Variants in EML5 observed in about 807,000 individuals in gnomAD.
EML5 encodes EMAP like 5, also known as echinoderm microtubule-associated protein-like 5.
In EML5, 120 loss-of-function variants were observed where a neutral mutation model predicts 250.0. That is an observed-to-expected ratio of 0.48 (90% confidence interval 0.41 to 0.56). EML5 has a LOEUF of 0.56. Among genes scored for constraint, EML5 ranks in the 20% least tolerant of loss-of-function variants. The pLI is 0.00. For missense variants in EML5, 2,006 were observed against 2,437.6 expected, an observed-to-expected ratio of 0.82 and a Z score of 3.73; for synonymous variants, 771 against 806.5, an observed-to-expected ratio of 0.96 and a Z score of 0.75.
At chr14:88,616,402 G>A in intron 42 of EML5, 160 bp from the exon 43 acceptor site, 1 of 696,614 alleles carries the variant, frequency 1.4e-6, no homozygotes, top group Non-Finnish European at 2.4e-6. Flanking sequence ...TAGTGGATCT[G>A]CAAAACCAGG....
chr14:88,778,092 G>GT (rs1321433870), intron 1 of EML5, among the ~76,000 whole-genome samples: 1 of 152,144 alleles, frequency 6.6e-6, no homozygotes, highest in Non-Finnish European at 1.5e-5. Context: ...ATGGATGATA[G>GT]TATTTGCAAG....
intron 33 of EML5, among the ~76,000 whole-genome samples, chr14:88,631,632 T>C (rs1485585702): frequency 6.6e-6 from 1 of 152,138 alleles, no homozygotes. Context: ...TAGCTGGGCG[T>C]GGTGGCAGTC....
rs778281977 is a variant in EML5 at position 88,615,659 on chromosome 14, T to C, written c.*159A>G. ...TTATACCCAGTGCATATAGCAAATA[T>C]TTTGAACAGATCAGTCTTTCACTAT... On this transcript the variant is annotated 3_prime_UTR_variant, in exon 44 of 44. Transcript: ENST00000554922. 2 of 652,622 alleles carry C rather than the reference T, an allele frequency of 3.1e-6. No homozygotes were observed. Among genetic ancestry groups the C allele is most frequent in the Non-Finnish European group, 2.6e-6 (1 of 384,606 alleles). 40.4% of individuals were successfully genotyped at this position (652,622 alleles called of 1,614,324 possible). A position where few individuals can be genotyped will look rare whatever the true frequency, so the allele number is the denominator to read the frequency against.
chr14:88,777,475 A>C (rs934090207), intron 1 of EML5, among the ~76,000 whole-genome samples: 11 of 152,206 alleles, frequency 7.2e-5, no homozygotes, highest in Admixed American at 7.2e-4. Flanking sequence ...ATGAGCAATA[A>C]GTAATCCCAA....
chr14:88,710,010 G>C (rs2093378007), intron 10 of EML5, among the ~76,000 whole-genome samples: 2 of 152,078 alleles, frequency 1.3e-5, no homozygotes, highest in Admixed American at 1.3e-4. Context: ...AGGGGGTCTT[G>C]GCCATTATTA....
rs183333429 is a variant in EML5 at position 88,742,333 on chromosome 14, A to G, written c.525+1690T>C. Among the ~76,000 whole-genome samples the G allele has an allele frequency of 3.9e-5, 6 of 152,228 alleles. No individual in the cohort carries two copies. The East Asian group carries it at 1.2e-3, about 29-fold the overall frequency. On this transcript the variant is annotated intron_variant, in intron 4 of 43. Coordinates refer to ENST00000554922, the MANE Select transcript of EML5 (RefSeq NM_183387.3). Reference sequence around the variant, plus strand: ...ATGAAATGTACTGCTAGTGTGACTGAGGAAATGAATTTTAAGTTTCATTTA... The same window carrying G: ...ATGAAATGTACTGCTAGTGTGACTGGGGAAATGAATTTTAAGTTTCATTTA...
chr14:88,687,802 G>A (rs1043329255), intron 18 of EML5, among the ~76,000 whole-genome samples: 7 of 151,970 alleles, frequency 4.6e-5, no homozygotes, highest in African/African-American at 1.4e-4. Flanking sequence ...GACCTGGCTG[G>A]CACCATGGCT....
At chr14:88,688,239 T>C (rs752833137) in intron 18 of EML5, 32 bp downstream of exon 18, 1 of 1,611,292 alleles carries the variant, frequency 6.2e-7, no homozygotes, top group Non-Finnish European at 8.5e-7. Flanking sequence ...GGACAAATTT[T>C]GTTTAATTTA....
At chr14:88,690,139 A>T (rs1197931678) in intron 17 of EML5, among the ~76,000 whole-genome samples, 1 of 152,222 alleles carries the variant, frequency 6.6e-6, no homozygotes, top group Non-Finnish European at 1.5e-5. Context: ...ACATCCAGGG[A>T]GACAAGTATG....
At chr14:88,630,348 A>G (rs899335805) in intron 33 of EML5, among the ~76,000 whole-genome samples, 1 of 152,090 alleles carries the variant, frequency 6.6e-6, no homozygotes, top group Non-Finnish European at 1.5e-5. Context: ...ACTTTATTTT[A>G]AAAGAAAATT....
intron 8 of EML5, 90 bp downstream of exon 8, chr14:88,726,448 GTAT>G (rs2093667997): frequency 9.5e-7 from 1 of 1,051,478 alleles, no homozygotes; most frequent in Non-Finnish European, 1.3e-6. Context: ...AAAACAACAA[GTAT>G]TATATATTCT....
intron 1 of EML5, among the ~76,000 whole-genome samples, chr14:88,777,872 G>T (rs974510470): frequency 2.0e-5 from 3 of 152,212 alleles, no homozygotes; most frequent in Admixed American, 6.5e-5. Flanking sequence ...CTACTCAGGA[G>T]GCTGAGGTAG....
intron 6 of EML5, 103 bp downstream of exon 6, chr14:88,738,776 T>C: frequency 1.5e-6 from 2 of 1,312,962 alleles, no homozygotes; most frequent in Non-Finnish European, 1.0e-6. Context: ...ATATAAGTCT[T>C]ATTTATATTT....
At chr14:88,635,011 G>C (rs543472313) in intron 32 of EML5, among the ~76,000 whole-genome samples, 1 of 152,212 alleles carries the variant, frequency 6.6e-6, no homozygotes, top group African/African-American at 2.4e-5. Context: ...ACTCAAGAAA[G>C]GAAAAAAGTT....
chr14:88,624,824 A>G, intron 36 of EML5, 146 bp downstream of exon 36: 1 of 864,966 alleles, frequency 1.2e-6, no homozygotes, highest in East Asian at 2.8e-5. Context: ...AATAGAAGGC[A>G]CATAAAAGGT....
At position 88,679,775 on chromosome 14, in the gene EML5, T is replaced by C. The variant is rs545109027; in HGVS notation, c.3124+2115A>G. Reference sequence around the variant, plus strand: ...TTTCAAAAAAATGTCCTTGAAGCCATCAAACAAGAGATAGTATTATCTGAT... The same window carrying C: ...TTTCAAAAAAATGTCCTTGAAGCCACCAAACAAGAGATAGTATTATCTGAT... On this transcript the variant is annotated intron_variant, in intron 21 of 43. Transcript: ENST00000554922. Among the ~76,000 whole-genome samples the C allele has an allele frequency of 2.0e-5, 3 of 152,094 alleles. No homozygotes were observed. The East Asian group carries it at 5.8e-4, about 29-fold the overall frequency.
intron 35 of EML5, 82 bp downstream of exon 35, chr14:88,626,756 A>G (rs1020244040): frequency 2.9e-6 from 4 of 1,380,506 alleles, no homozygotes; most frequent in East Asian, 2.4e-5. Flanking sequence ...TATCATCTCA[A>G]CAACATTCAT....
In EML5 at chr14:88,620,642, G is replaced by GGGAAAA; in HGVS notation, c.5375+111_5375+112insTTTTCC. The GGGAAAA allele has an allele frequency of 1.2e-6, 1 of 813,596 alleles. No individual in the cohort carries two copies. Among genetic ancestry groups the GGGAAAA allele is most frequent in the East Asian group, 3.0e-5 (1 of 33,548 alleles). The allele number at this position is 813,596 out of a possible 1,614,324, so 50.4% of individuals were successfully genotyped here. On this transcript the variant is annotated intron_variant, in intron 39 of 43. Transcript: ENST00000554922. The surrounding 1 kb of genome is among the most constrained non-coding windows in gnomAD (Gnocchi z 4.3). ...TTTTAGCATACAATTTATAATACGG[G>GGGAAAA]AAATGCTACAGGCCCTGGGGACCTC...
chr14:88,766,568 C>T (rs1021565138), intron 1 of EML5, among the ~76,000 whole-genome samples: 29 of 152,138 alleles, frequency 1.9e-4, no homozygotes, highest in Non-Finnish European at 3.8e-4. Context: ...CCTGATGTTA[C>T]CAATGACAAT....
Sources: allele counts gnomAD v4.1 joint callset (sites outside exome capture counted in the v4.1 genomes callset), GRCh38; gene constraint gnomAD v4.1.1; non-coding constraint Gnocchi (gnomAD v3.1); transcripts MANE v1.5; gene names NCBI Gene and HGNC (gene_info 2026-07-23, HGNC 2026-07-21).